SIN3B: variants seen among roughly 807,000 people sequenced by gnomAD.
SIN3B encodes the protein SIN3 transcription regulator family member B.
A neutral mutation model predicts 120.2 loss-of-function variants in SIN3B; 19 were observed. The ratio of observed to expected loss-of-function variants is 0.16; its 90% CI spans 0.11 to 0.23. The LOEUF is 0.23. Among genes scored for constraint, SIN3B ranks in the 10% least tolerant of loss-of-function variants. The probability of loss-of-function intolerance (pLI) is 1.00; values close to 1 mark genes in which losing one functional copy is unlikely to be tolerated. For missense variants in SIN3B, 1,073 were observed against 1,573.0 expected, an observed-to-expected ratio of 0.68 and a Z score of 5.38; for synonymous variants, 654 against 653.2, an observed-to-expected ratio of 1.00 and a Z score of -0.02.
rs752051287 is a variant in SIN3B at position 16,869,581 on chromosome 19, G to A, written c.1928G>A (p.Arg643Gln). The A allele has an allele frequency of 9.9e-6, 16 of 1,613,550 alleles. No homozygotes were observed. The East Asian group carries it at 1.8e-4, about 18-fold the overall frequency. ...AAALISYYVK[R>Q]QPAIQKEDQG... is the part of the protein sequence containing the mutation. Reference sequence around the variant, plus strand: ...GCGCTCATCAGCTACTACGTGAAGCGGCAGCCGGCCATCCAGAAGGAGGAC... The same window carrying A: ...GCGCTCATCAGCTACTACGTGAAGCAGCAGCCGGCCATCCAGAAGGAGGAC... The change falls in exon 13 of 19, where the codon CGG becomes CAG. Residue 643 changes from arginine (R) to glutamine (Q), a missense_variant. Arg to Gln is a conservative substitution (Grantham distance 43, BLOSUM62 1). This residue lies in a region of SIN3B where 169 missense variants were observed against 207.3 expected (regional missense o/e 0.82). Transcript: ENST00000248054.
intron 12 of SIN3B, among the ~76,000 whole-genome samples, chr19:16,869,097 C>T (rs560352037): frequency 3.7e-4 from 57 of 152,248 alleles, no homozygotes; most frequent in African/African-American, 1.2e-3. Flanking sequence ...TGCTGAGCCA[C>T]GGGGCCCCGT....
intron 1 of SIN3B, 70 bp downstream of exon 1, chr19:16,829,610 A>AC: frequency 8.5e-7 from 1 of 1,174,290 alleles, no homozygotes; most frequent in Non-Finnish European, 1.1e-6. Context: ...CCCCTCACCC[A>AC]GGCCCCGCCC....
At chr19:16,851,379 C>T in intron 5 of SIN3B, 33 bp from the exon 6 acceptor site, 1 of 1,553,620 alleles carries the variant, frequency 6.4e-7, no homozygotes, top group Admixed American at 1.8e-5. Flanking sequence ...AGCCACGTCT[C>T]CGGTGCTGAC....
At chr19:16,851,866 C>G (rs936066973) in intron 6 of SIN3B, among the ~76,000 whole-genome samples, 1 of 152,250 alleles carries the variant, frequency 6.6e-6, no homozygotes, top group Non-Finnish European at 1.5e-5. Flanking sequence ...TACGTTTGTT[C>G]AGGTTGGTCA....
At chr19:16,851,648 G>A (rs2144595321) in intron 6 of SIN3B, 114 bp downstream of exon 6, 1 of 1,364,358 alleles carries the variant, frequency 7.3e-7, no homozygotes, top group East Asian at 2.8e-5. Context: ...GCTGGACCGG[G>A]GGCTGTGTGA....
rs137988170 is a variant in SIN3B at position 16,865,535 on chromosome 19, G to A, written c.1509G>A (p.Thr503=). Residue 503 remains threonine (T), a synonymous_variant, in exon 11 of 19, where the codon ACG becomes ACA. Coordinates refer to ENST00000248054, the MANE Select transcript of SIN3B (RefSeq NM_001297595.2). ...KFRLDDSLGG[T]SEVIQRRAIY... ...GGCTGGACGACTCCCTGGGAGGCAC[G>A]TCGGAGGTGATCCAGCGCCGTGCCA... 129 of 1,613,740 alleles carry A rather than the reference G, an allele frequency of 8.0e-5. No homozygotes were observed. The highest frequency in any genetic ancestry group is 1.6e-4 in the Middle Eastern group (1 of 6,074).
intron 3 of SIN3B, among the ~76,000 whole-genome samples, chr19:16,834,646 C>A (rs754596319): frequency 6.6e-6 from 1 of 152,126 alleles, no homozygotes; most frequent in Non-Finnish European, 1.5e-5. Flanking sequence ...TTGTTCTCTT[C>A]GGGGGCCCCT....
At position 16,876,066 on chromosome 19, in the gene SIN3B, C is replaced by T. The variant is rs527271107; in HGVS notation, c.2604C>T (p.Leu868=). 5.3e-5 allele frequency: 82 copies of T among 1,561,542 alleles called. 1 individual carries two copies. The highest frequency in any genetic ancestry group is 5.9e-5 in the South Asian group (5 of 84,836). Residue 868 remains leucine (L), a synonymous_variant, in exon 15 of 19, where the codon CTC becomes CTT. Coordinates refer to ENST00000248054, the MANE Select transcript of SIN3B (RefSeq NM_001297595.2). The surrounding 1 kb of genome is among the most constrained non-coding windows in gnomAD (Gnocchi z 7.1). ...VQNIARQLHH[L]VSDDVCLKVV... ...TTTCCTCCCGCCAGCTGCACCACCT[C>T]GTGAGCGATGACGTCTGCCTGAAGG...
intron 6 of SIN3B, 87 bp downstream of exon 6, chr19:16,851,621 C>T: frequency 6.8e-7 from 1 of 1,468,684 alleles, no homozygotes; most frequent in Non-Finnish European, 9.0e-7. Flanking sequence ...GAACAGAGGC[C>T]CCAGCAGGGG....
Position 16,862,676 on chromosome 19 carries a change from T to C in SIN3B, c.1266+117T>C. ...GCTGTGTGCTCAGCCCTCCTGAATG[T>C]TGGGTTATGGGTGGTGCTGGGATGT... On this transcript the variant is annotated intron_variant, in intron 9 of 18. Transcript: ENST00000248054. This position sits in a 1 kb window ranked among gnomAD's most constrained non-coding sequence, Gnocchi z 4.7. The C allele has an allele frequency of 8.4e-7, 1 of 1,186,990 alleles. No homozygotes were observed. The highest frequency in any genetic ancestry group is 1.2e-6 in the Non-Finnish European group (1 of 813,718). The allele number at this position is 1,186,990 out of a possible 1,614,324, so 73.5% of individuals were successfully genotyped here. A position where few individuals can be genotyped will look rare whatever the true frequency, so the allele number is the denominator to read the frequency against.
chr19:16,871,072 G>C (rs758874733), intron 13 of SIN3B, among the ~76,000 whole-genome samples, 157 bp from the exon 14 acceptor site: 1 of 152,254 alleles, frequency 6.6e-6, no homozygotes, highest in Non-Finnish European at 1.5e-5. Context: ...CCAGCTACTC[G>C]GGTTTCCTGG....
chr19:16,841,103 A>G (rs766043842), intron 3 of SIN3B, among the ~76,000 whole-genome samples: 1 of 151,924 alleles, frequency 6.6e-6, no homozygotes, highest in Non-Finnish European at 1.5e-5. Context: ...GTCCTGTCCC[A>G]CCACAACATG....
At chr19:16,864,623 C>A (rs1433996281) in intron 10 of SIN3B, among the ~76,000 whole-genome samples, 5 of 151,990 alleles carry the variant, frequency 3.3e-5, no homozygotes, top group Admixed American at 2.0e-4. Flanking sequence ...TGAGCCACCA[C>A]ACCTGGCTAA....
In SIN3B at chr19:16,831,666, T is replaced by C; in HGVS notation, c.381+19T>C. 1 of 1,612,644 alleles carries C rather than the reference T, an allele frequency of 6.2e-7. No individual in the cohort carries two copies. Among genetic ancestry groups the C allele is most frequent in the Non-Finnish European group, 8.5e-7 (1 of 1,178,896 alleles). ...AAGCCAGGTATGCCACTACAGTGGTTCGGGTGATCTCAGCCTTCACCGAGT... is the reference window on the plus strand; with the variant it reads ...AAGCCAGGTATGCCACTACAGTGGTCCGGGTGATCTCAGCCTTCACCGAGT... On this transcript the variant is annotated intron_variant, in intron 3 of 18. Coordinates refer to ENST00000248054, the MANE Select transcript of SIN3B (RefSeq NM_001297595.2).
At chr19:16,852,281 T>C (rs1284228358) in intron 6 of SIN3B, among the ~76,000 whole-genome samples, 2 of 152,188 alleles carry the variant, frequency 1.3e-5, no homozygotes, top group East Asian at 3.9e-4. Context: ...CTCATCATTC[T>C]TTCTCCTGTG....
chr19:16,874,915 C>G (rs1197689958), intron 14 of SIN3B, among the ~76,000 whole-genome samples: 1 of 129,842 alleles, frequency 7.7e-6, no homozygotes, highest in Non-Finnish European at 1.6e-5. Context: ...CTAATCTGGT[C>G]TAGTTTGGTT....
chr19:16,873,439 C>T (rs2051538503), intron 14 of SIN3B, among the ~76,000 whole-genome samples: 1 of 152,012 alleles, frequency 6.6e-6, no homozygotes, highest in African/African-American at 2.4e-5. Context: ...CACGGGGCAG[C>T]CTGGAGAGAG....
chr19:16,870,062 G>C lies in SIN3B; in HGVS notation c.2409G>C (p.Arg803=), dbSNP rs1475390241. Reference sequence around the variant, plus strand: ...GCAGCGACCCCGCCATGGAGCTGCGGCTGAAGCAGCCCAGTAAGGCTCCAA... The same window carrying C: ...GCAGCGACCCCGCCATGGAGCTGCGCCTGAAGCAGCCCAGTAAGGCTCCAA... ...EKGSDPAMEL[R]LKQPSEVELE... Residue 803 remains arginine (R), a synonymous_variant, in exon 13 of 19, where the codon CGG becomes CGC. Transcript: ENST00000248054. The C allele has an allele frequency of 6.2e-7, 1 of 1,601,008 alleles. No individual in the cohort carries two copies. The highest frequency in any genetic ancestry group is 1.7e-5 in the Admixed American group (1 of 58,808).
At position 16,831,570 on chromosome 19, in the gene SIN3B, G is replaced by A. The variant is rs769196384; in HGVS notation, c.304G>A (p.Ala102Thr). ...EHPDLIVGFNAFLPLGYRIDI... is the reference protein window; with the variant it reads ...EHPDLIVGFNTFLPLGYRIDI... ...CCCTGACCTCATTGTTGGATTCAACGCTTTTCTTCCCCTCGGATATAGAAT... is the reference window on the plus strand; with the variant it reads ...CCCTGACCTCATTGTTGGATTCAACACTTTTCTTCCCCTCGGATATAGAAT... The change falls in exon 3 of 19, where the codon GCT becomes ACT. Residue 102 changes from alanine (A) to threonine (T), a missense_variant. Physicochemically the swap from Ala to Thr is moderately conservative, Grantham distance 58 (BLOSUM62 0). Transcript: ENST00000248054. The A allele has an allele frequency of 1.1e-5, 18 of 1,613,810 alleles. No homozygotes were observed. The Admixed American group carries it at 1.8e-4, about 16-fold the overall frequency.
Sources: gnomAD v4.1 joint callset for allele counts (sites outside exome capture counted in the v4.1 genomes callset) on GRCh38, gnomAD v4.1.1 for gene constraint, gnomAD v4.1.1 regional missense constraint, Gnocchi (gnomAD v3.1) non-coding constraint, MANE v1.5 for transcripts, NCBI Gene and HGNC (gene_info 2026-07-23, HGNC 2026-07-21) for gene names.